Variants in LRRC20 observed in about 807,000 individuals in gnomAD.
LRRC20 encodes leucine-rich repeat-containing protein 20.
In LRRC20, 11 loss-of-function variants were observed where a neutral mutation model predicts 14.4. The ratio of observed to expected loss-of-function variants is 0.77; its 90% CI spans 0.48 to 1.27. The LOEUF is 1.27. Among genes scored for constraint, LRRC20 ranks in the 50% most tolerant of loss-of-function variants. The pLI is 0.00. For missense variants in LRRC20, 219 were observed against 251.2 expected (o/e 0.87, Z 0.87); for synonymous variants, 121 against 107.3 (o/e 1.13, Z -0.79).
At chr10:70,332,686 T>C (rs1842583103) in intron 3 of LRRC20, among the ~76,000 whole-genome samples, 4 of 152,224 alleles carry the variant, frequency 2.6e-5, no homozygotes, top group Admixed American at 2.6e-4. Flanking sequence ...CTGTGTGAAC[T>C]TGGGCAAGTT....
intron 2 of LRRC20, among the ~76,000 whole-genome samples, chr10:70,357,235 C>T (rs1843558968): frequency 6.6e-6 from 1 of 152,182 alleles, no homozygotes; most frequent in South Asian, 2.1e-4. Context: ...CCGCATGGTA[C>T]AGGGTTTCTT....
At chr10:70,304,470 T>TTATATATATATATATA (rs57284629) in intron 4 of LRRC20, among the ~76,000 whole-genome samples, 1,590 of 113,224 alleles carry the variant, frequency 0.014, 35 homozygotes, top group Non-Finnish European at 0.021. Flanking sequence ...GGCCACTTCT[T>TTATATATATATATATA]TATATATATA....
intron 2 of LRRC20, among the ~76,000 whole-genome samples, chr10:70,345,033 C>T (rs1158120662): frequency 6.6e-6 from 1 of 151,878 alleles, no homozygotes; most frequent in Non-Finnish European, 1.5e-5. Flanking sequence ...TTTAAGTTAA[C>T]TAAATGGTTT....
chr10:70,308,600 C>G (rs928991003), intron 4 of LRRC20, among the ~76,000 whole-genome samples: 1 of 152,042 alleles, frequency 6.6e-6, no homozygotes, highest in Admixed American at 6.6e-5. Flanking sequence ...GGCTATAGGG[C>G]AGCCGGGGTT....
At chr10:70,372,084 A>G (rs1487610633) in intron 2 of LRRC20, among the ~76,000 whole-genome samples, 2 of 151,230 alleles carry the variant, frequency 1.3e-5, no homozygotes, top group African/African-American at 4.9e-5. Flanking sequence ...GAGGGAACCC[A>G]GCAGGACGGG....
chr10:70,365,602 G>C (rs1464193659), intron 2 of LRRC20, among the ~76,000 whole-genome samples: 1 of 152,124 alleles, frequency 6.6e-6, no homozygotes, highest in African/African-American at 2.4e-5. Context: ...GAAATAGGAG[G>C]ATCTCTTGAG....
intron 2 of LRRC20, among the ~76,000 whole-genome samples, chr10:70,348,750 T>C (rs1224391457): frequency 2.6e-5 from 4 of 152,208 alleles, no homozygotes; most frequent in African/African-American, 9.6e-5. Context: ...CAAACTCCTG[T>C]AGGCCCTTCA....
intron 2 of LRRC20, among the ~76,000 whole-genome samples, chr10:70,365,904 C>A (rs879710896): frequency 2.0e-5 from 3 of 151,756 alleles, no homozygotes; most frequent in Non-Finnish European, 4.4e-5. Flanking sequence ...CCCCTCTCTA[C>A]TAAAAATACA....
intron 3 of LRRC20, among the ~76,000 whole-genome samples, chr10:70,339,770 T>G (rs1842845375): frequency 6.6e-6 from 1 of 152,154 alleles, no homozygotes. Flanking sequence ...GCTGGACTCC[T>G]GCCACCTTGA....
chr10:70,321,236 G>T (rs954063510), intron 4 of LRRC20, among the ~76,000 whole-genome samples: 1 of 152,222 alleles, frequency 6.6e-6, no homozygotes, highest in African/African-American at 2.4e-5. Flanking sequence ...TTATCCCAGT[G>T]AGGTGCTGCA....
chr10:70,347,333 G>T (rs902365210), intron 2 of LRRC20, among the ~76,000 whole-genome samples: 1 of 152,222 alleles, frequency 6.6e-6, no homozygotes, highest in Admixed American at 6.5e-5. Flanking sequence ...CCACAGTAGG[G>T]AGAGAAAGTG....
At chr10:70,333,993 T>C (rs1230288277) in intron 3 of LRRC20, among the ~76,000 whole-genome samples, 1 of 151,952 alleles carries the variant, frequency 6.6e-6, no homozygotes, top group Non-Finnish European at 1.5e-5. Context: ...CTACTAAAAA[T>C]ACAAAAATTA....
chr10:70,334,998 CT>C (rs1564625885), intron 3 of LRRC20, among the ~76,000 whole-genome samples: 2 of 152,168 alleles, frequency 1.3e-5, no homozygotes, highest in African/African-American at 4.8e-5. Flanking sequence ...TGCAGACAGG[CT>C]CCCCCCAGGT....
At chr10:70,332,812 C>G (rs1002474022) in intron 3 of LRRC20, among the ~76,000 whole-genome samples, 1 of 152,222 alleles carries the variant, frequency 6.6e-6, no homozygotes, top group Non-Finnish European at 1.5e-5. Context: ...ATCTCCAGTA[C>G]TGCTAATGGT....
intron 2 of LRRC20, among the ~76,000 whole-genome samples, chr10:70,349,469 TCAGGAGGCTGAGG>T (rs1160636324): frequency 6.6e-6 from 1 of 152,038 alleles, no homozygotes; most frequent in Non-Finnish European, 1.5e-5. Flanking sequence ...TCCCAGCTAC[TCAGGAGGCTGAGG>T]CAGGAGAATT....
At chr10:70,315,245 A>G (rs552187131) in intron 4 of LRRC20, among the ~76,000 whole-genome samples, 86 of 152,324 alleles carry the variant, frequency 5.6e-4, no homozygotes, top group African/African-American at 1.9e-3. Flanking sequence ...TTGTGTCTCC[A>G]GCTTGGTGCA....
Position 70,367,958 on chromosome 10 carries a change from C to CTATGTTATGTTATGTTATGTTATGT in LRRC20, c.82+8469_82+8493dup. ...TCTGGAGTATTGCCCATAAATCTGC[C>CTATGTTATGTTATGTTATGTTATGT]TATGTTATGTTATGTTATGTTATGT... On this transcript the variant is annotated intron_variant, in intron 2 of 4. Coordinates refer to ENST00000446961, the MANE Select transcript of LRRC20 (RefSeq NM_001278212.2). Among the ~76,000 whole-genome samples the CTATGTTATGTTATGTTATGTTATGT allele has an allele frequency of 9.1e-5, 2 of 21,924 alleles. 1 individual carries two copies. Among genetic ancestry groups the CTATGTTATGTTATGTTATGTTATGT allele is most frequent in the East Asian group, 2.4e-3 (2 of 824 alleles). 14.4% of individuals were successfully genotyped at this position (21,924 alleles called of 152,430 possible).
In LRRC20 at chr10:70,316,349, A is replaced by G. The variant is rs555561582; in HGVS notation, c.400+7514T>C. 4.1e-3 allele frequency among the ~76,000 whole-genome samples: 620 copies of G among 152,166 alleles called. 3 individuals carry two copies. The highest frequency in any genetic ancestry group is 6.4e-3 in the Non-Finnish European group (437 of 67,996). ...GGTTTCACCACATCGGCCAGGCCAG[A>G]CTCAAACTCCTGACCTCAAGTGATC... On this transcript the variant is annotated intron_variant, in intron 4 of 4. Coordinates refer to ENST00000446961, the MANE Select transcript of LRRC20 (RefSeq NM_001278212.2).
intron 2 of LRRC20, among the ~76,000 whole-genome samples, chr10:70,360,161 G>A (rs983918622): frequency 1.2e-4 from 18 of 152,044 alleles, no homozygotes; most frequent in Non-Finnish European, 2.5e-4. Flanking sequence ...TGATCCACCC[G>A]CCTCAGCCTC....
Sources: gnomAD v4.1 joint callset for allele counts (sites outside exome capture counted in the v4.1 genomes callset) on GRCh38, gnomAD v4.1.1 for gene constraint, MANE v1.5 for transcripts, NCBI Gene and HGNC (gene_info 2026-07-23, HGNC 2026-07-21) for gene names.